The following SETBP1 variants were observed in gnomAD, a reference collection of about 807,000 sequenced individuals.
SETBP1 encodes the protein SET-binding protein.
Under a neutral mutation model 101.0 loss-of-function variants are expected in SETBP1, and 9 were observed. The observed-to-expected ratio is 0.09, with a 90% CI of 0.05 to 0.16. The LOEUF (loss-of-function observed/expected upper bound fraction) is 0.16, where lower values mean the gene tolerates loss of function less well. Among genes scored for constraint, SETBP1 ranks in the 10% least tolerant of loss-of-function variants. The probability of loss-of-function intolerance (pLI) is 1.00; values close to 1 mark genes in which losing one functional copy is unlikely to be tolerated. For missense variants in SETBP1, 1,858 were observed against 2,033.8 expected (o/e 0.91, Z 1.66); for synonymous variants, 818 against 788.5 (o/e 1.04, Z -0.63).
intron 2 of SETBP1, among the ~76,000 whole-genome samples, chr18:44,772,176 A>C (rs1449707924): frequency 6.6e-6 from 1 of 151,794 alleles, no homozygotes; most frequent in Admixed American, 6.6e-5. Flanking sequence ...GGGCTTTTCC[A>C]AAGGTTGACT....
chr18:44,810,536 A>G (rs942872299), intron 2 of SETBP1, among the ~76,000 whole-genome samples: 3 of 152,230 alleles, frequency 2.0e-5, no homozygotes, highest in Admixed American at 2.0e-4. Context: ...CCCAAACAGC[A>G]TAGGAGAATT....
chr18:44,707,259 A>G (rs77064690), intron 2 of SETBP1, among the ~76,000 whole-genome samples: 172 of 152,344 alleles, frequency 1.1e-3, no homozygotes, highest in African/African-American at 3.7e-3. Flanking sequence ...ATACTTTCTC[A>G]TATAGCTGGG....
At chr18:44,785,624 C>A (rs2071224680) in intron 2 of SETBP1, among the ~76,000 whole-genome samples, 2 of 152,278 alleles carry the variant, frequency 1.3e-5, no homozygotes, top group Non-Finnish European at 1.5e-5. Flanking sequence ...GCCCTCATCT[C>A]CCCATTAGAG....
chr18:45,021,606 T>C (rs1326240536), intron 4 of SETBP1, among the ~76,000 whole-genome samples: 2 of 152,162 alleles, frequency 1.3e-5, no homozygotes, highest in Non-Finnish European at 2.9e-5. Context: ...CCTTTAAAAC[T>C]ATGTCAAATA....
intron 4 of SETBP1, among the ~76,000 whole-genome samples, chr18:44,982,842 T>C (rs1316279800): frequency 6.6e-6 from 1 of 152,202 alleles, no homozygotes; most frequent in African/African-American, 2.4e-5. Context: ...TGGGTTTCAG[T>C]ACTAGTTTGC....
chr18:44,926,762 A>AAACAACAACAAC (rs200000678), intron 3 of SETBP1, among the ~76,000 whole-genome samples: 3 of 95,964 alleles, frequency 3.1e-5, no homozygotes, highest in African/African-American at 1.1e-4. Flanking sequence ...ACAAACAAAC[A>AAACAACAACAAC]AACAACAACA....
Position 44,876,741 on chromosome 18 carries a change from A to G in SETBP1, c.540+7458A>G, listed in dbSNP as rs1356612628. 4.6e-6 allele frequency: 7 copies of G among 1,534,394 alleles called. No homozygotes were observed. The South Asian group carries it at 4.9e-5, about 11-fold the overall frequency. Reference sequence around the variant, plus strand: ...TTCACAGTGAACCTGCAGTCTGGGCACAAGAAGTATAACTTCGCATGGATT... The same window carrying G: ...TTCACAGTGAACCTGCAGTCTGGGCGCAAGAAGTATAACTTCGCATGGATT... On this transcript the variant is annotated intron_variant, in intron 3 of 5. Transcript: ENST00000649279.
chr18:45,023,262 T>C lies in SETBP1; in HGVS notation c.4001-15223T>C, dbSNP rs1599460642. Among the ~76,000 whole-genome samples, 3 of 152,370 alleles carry C rather than the reference T, an allele frequency of 2.0e-5. 1 individual carries two copies. The East Asian group carries it at 5.8e-4, about 29-fold the overall frequency. On this transcript the variant is annotated intron_variant, in intron 4 of 5. Transcript: ENST00000649279. ...TAATGATTGTGCTAGAATATGCTAG[T>C]TCAAGTCACCTCCATAAATCTCTAG... is the stretch of plus-strand genomic sequence containing the variant.
chr18:44,955,970 A>T (rs1370620849), intron 4 of SETBP1, among the ~76,000 whole-genome samples: 2 of 152,170 alleles, frequency 1.3e-5, no homozygotes, highest in Non-Finnish European at 2.9e-5. Context: ...CAGCCTGGAG[A>T]CACCATGGAC....
intron 3 of SETBP1, among the ~76,000 whole-genome samples, chr18:44,913,604 CA>C (rs988645829): frequency 5.3e-5 from 8 of 152,314 alleles, no homozygotes; most frequent in Admixed American, 3.3e-4. Context: ...GAAAGGGCTA[CA>C]GTAGTAACAA....
At position 44,814,860 on chromosome 18, in the gene SETBP1, G is replaced by A. The variant is rs137948610; in HGVS notation, c.487-54370G>A. Among the ~76,000 whole-genome samples the A allele has an allele frequency of 3.8e-4, 58 of 152,354 alleles. No individual in the cohort carries two copies. The East Asian group carries it at 6.2e-3, about 16-fold the overall frequency. The stretch of plus-strand genomic sequence containing the variant: ...AGCATTTTCTGGTAGGTGAAATATC[G>A]TAAGGACAGGTGTGTAGAGGTGGCT... On this transcript the variant is annotated intron_variant, in intron 2 of 5. Coordinates refer to ENST00000649279, the MANE Select transcript of SETBP1 (RefSeq NM_015559.3).
chr18:44,938,632 C>G (rs1425177441), intron 3 of SETBP1, among the ~76,000 whole-genome samples: 2 of 152,222 alleles, frequency 1.3e-5, no homozygotes, highest in Non-Finnish European at 2.9e-5. Flanking sequence ...GAGCCAGGTT[C>G]TTGTCAAGCT....
chr18:44,680,317 T>C (rs2068737528), upstream of SETBP1: 5 of 150,214 alleles, frequency 3.3e-5, no homozygotes, highest in South Asian at 4.2e-4. Context: ...AGCAGCACCT[T>C]TGGGGGCTCG....
chr18:45,060,252 A>G (rs1568056904), intron 5 of SETBP1, among the ~76,000 whole-genome samples: 2 of 152,226 alleles, frequency 1.3e-5, no homozygotes, highest in East Asian at 3.8e-4. Context: ...AAAGCAGGCA[A>G]GCTTGACCTG....
At chr18:45,039,657 A>T (rs182143161) in intron 5 of SETBP1, among the ~76,000 whole-genome samples, 2 of 152,352 alleles carry the variant, frequency 1.3e-5, no homozygotes, top group African/African-American at 4.8e-5. Context: ...TAACATATTA[A>T]TGTAAATGTG....
intron 4 of SETBP1, among the ~76,000 whole-genome samples, chr18:45,027,307 AT>A (rs2145442063): frequency 6.6e-6 from 1 of 152,330 alleles, no homozygotes; most frequent in South Asian, 2.1e-4. Context: ...AAAGCTCAGA[AT>A]CAGAATAGTG....
At chr18:45,008,421 T>G (rs757503306) in intron 4 of SETBP1, among the ~76,000 whole-genome samples, 1 of 152,280 alleles carries the variant, frequency 6.6e-6, no homozygotes, top group African/African-American at 2.4e-5. Context: ...GTATCAGAGT[T>G]AAACCCAGAT....
chr18:44,871,197 A>C (rs2069266026), intron 3 of SETBP1: 1 of 152,194 alleles, frequency 6.6e-6, no homozygotes, highest in South Asian at 2.1e-4. Flanking sequence ...TGCCCAGATC[A>C]AAGTTAATTC....
chr18:45,003,117 T>G (rs955126556), intron 4 of SETBP1, among the ~76,000 whole-genome samples: 1 of 152,218 alleles, frequency 6.6e-6, no homozygotes, highest in African/African-American at 2.4e-5. Context: ...ATTTCTGAAA[T>G]TATCTCCAGA....
Sources: allele counts gnomAD v4.1 joint callset (sites outside exome capture counted in the v4.1 genomes callset), GRCh38; gene constraint gnomAD v4.1.1; transcripts MANE v1.5; gene names NCBI Gene and HGNC (gene_info 2026-07-23, HGNC 2026-07-21).